Variants in SLC26A7 observed in about 807,000 individuals in gnomAD.
The protein encoded by SLC26A7 is anion exchange transporter.
Under a neutral mutation model 82.5 loss-of-function variants are expected in SLC26A7, and 59 were observed. The ratio of observed to expected loss-of-function variants is 0.72; its 90% CI spans 0.58 to 0.89. The LOEUF (loss-of-function observed/expected upper bound fraction) is 0.89. Among genes scored for constraint, SLC26A7 ranks in the 40% least tolerant of loss-of-function variants. The pLI, the probability that SLC26A7 is intolerant of heterozygous loss-of-function variation, is 0.00. For missense variants in SLC26A7, 820 were observed against 793.0 expected (o/e 1.03, Z -0.41); for synonymous variants, 271 against 274.3 (o/e 0.99, Z 0.12).
At chr8:91,210,181 G>A (rs1809882891) in intron 1 of SLC26A7, among the ~76,000 whole-genome samples, 1 of 152,092 alleles carries the variant, frequency 6.6e-6, no homozygotes, top group Non-Finnish European at 1.5e-5. Flanking sequence ...GGTTTTCATT[G>A]TCTCTATTCA....
chr8:91,397,154 A>G lies in SLC26A7; in HGVS notation c.*2057A>G, dbSNP rs1451955077. ...TTAAGTCCAATAACTTGGGGGTCAA[A>G]TGCTAATGTTTTATTCAATGTAAAG... On this transcript the variant is annotated 3_prime_UTR_variant, in exon 19 of 19. Coordinates refer to ENST00000276609, the MANE Select transcript of SLC26A7 (RefSeq NM_052832.4). 1 of 152,072 alleles carries G rather than the reference A, an allele frequency of 6.6e-6. No individual in the cohort carries two copies. Among genetic ancestry groups the G allele is most frequent in the African/African-American group, 2.4e-5 (1 of 41,436 alleles). The allele number at this position is 152,072 out of a possible 1,614,324, so 9.4% of individuals were successfully genotyped here.
chr8:91,373,390 A>G (rs1455955478), intron 15 of SLC26A7, among the ~76,000 whole-genome samples: 3 of 151,866 alleles, frequency 2.0e-5, no homozygotes, highest in Non-Finnish European at 4.4e-5. Flanking sequence ...ATTTTGATGT[A>G]TGTTCCTTTA....
At chr8:91,262,446 G>T (rs925873068) in intron 2 of SLC26A7, among the ~76,000 whole-genome samples, 4 of 152,002 alleles carry the variant, frequency 2.6e-5, no homozygotes, top group Non-Finnish European at 5.9e-5. Context: ...TCTACCCAGC[G>T]TCTGAGCAGT....
At chr8:91,343,627 A>G (rs1341731456) in intron 9 of SLC26A7, among the ~76,000 whole-genome samples, 161 bp downstream of exon 9, 1 of 152,162 alleles carries the variant, frequency 6.6e-6, no homozygotes, top group Non-Finnish European at 1.5e-5. Flanking sequence ...TCTCATCTCT[A>G]TCCCATAAAT....
chr8:91,385,299 G>T (rs1041827184), intron 15 of SLC26A7, among the ~76,000 whole-genome samples: 1 of 152,128 alleles, frequency 6.6e-6, no homozygotes, highest in Non-Finnish European at 1.5e-5. Flanking sequence ...GATTTTTATT[G>T]CTCTGGTTGA....
Position 91,366,574 on chromosome 8 carries a change from CA to C in SLC26A7, c.1489-2del. 6.2e-7 allele frequency: 1 copy of C among 1,608,970 alleles called. No individual in the cohort carries two copies. The highest frequency in any genetic ancestry group is 1.7e-4 in the Middle Eastern group (1 of 6,028). On this transcript the variant is annotated splice_polypyrimidine_tract_variant and splice_region_variant and intron_variant, in intron 13 of 18. Coordinates refer to ENST00000276609, the MANE Select transcript of SLC26A7 (RefSeq NM_052832.4). ...GAGTTCTGAATCTGTTTTTCTCCTC[CA>C]AAAGGAAACCCTGCAGCAGGTGAAA... is the stretch of plus-strand genomic sequence containing the variant.
rs374699365 is a variant in SLC26A7, at chr8:91,218,922, G to A, written c.-117G>A. 3.9e-4 allele frequency: 611 copies of A among 1,550,376 alleles called. 1 individual carries two copies. Among genetic ancestry groups the A allele is most frequent in the Admixed American group, 1.4e-3 (73 of 50,906 alleles). ...AGATAAGCAAGAATCTGAAGCTGGT[G>A]CCTCTCCAAGTATTAATTTGTTCTT... On this transcript the variant is annotated 5_prime_UTR_variant, in exon 2 of 6. Transcript: ENST00000522862.
chr8:91,329,248 G>C (rs1444319860), intron 5 of SLC26A7, among the ~76,000 whole-genome samples: 1 of 152,136 alleles, frequency 6.6e-6, no homozygotes, highest in Non-Finnish European at 1.5e-5. Context: ...GTGTGTGCAT[G>C]TGTGCATGTC....
chr8:91,354,912 T>A (rs969014524), intron 11 of SLC26A7, among the ~76,000 whole-genome samples: 55 of 152,050 alleles, frequency 3.6e-4, no homozygotes, highest in African/African-American at 8.9e-4. Flanking sequence ...TCTTTTTTTT[T>A]AAAAAAAGGA....
At position 91,330,494 on chromosome 8, in the gene SLC26A7, A is replaced by G. The variant is rs150014516; in HGVS notation, c.643-3801A>G. 3.4e-3 allele frequency among the ~76,000 whole-genome samples: 520 copies of G among 152,306 alleles called. 9 individuals carry two copies. Among genetic ancestry groups the G allele is most frequent in the South Asian group, 0.027 (130 of 4,828 alleles). ...TTTGAGTTGTGGTCAAATTATATTT[A>G]AGATGCTAAATAGAAAGGACAAAGA... On this transcript the variant is annotated intron_variant, in intron 5 of 18. Coordinates refer to ENST00000276609, the MANE Select transcript of SLC26A7 (RefSeq NM_052832.4).
At chr8:91,334,209 T>C in intron 5 of SLC26A7, 86 bp from the exon 6 acceptor site, 2 of 1,264,096 alleles carry the variant, frequency 1.6e-6, no homozygotes, top group Non-Finnish European at 2.2e-6. Flanking sequence ...TTATAAAACA[T>C]CATTGAGTTT....
At chr8:91,336,956 G>A (rs569166487) in intron 6 of SLC26A7, among the ~76,000 whole-genome samples, 14 of 152,184 alleles carry the variant, frequency 9.2e-5, no homozygotes, top group South Asian at 2.1e-4. Flanking sequence ...ATTAATTGGC[G>A]TAGGAATTTT....
chr8:91,304,340 G>T (rs761583891), intron 4 of SLC26A7, among the ~76,000 whole-genome samples: 12 of 152,142 alleles, frequency 7.9e-5, no homozygotes, highest in Non-Finnish European at 1.8e-4. Context: ...TGCTGTTCCT[G>T]TGATAGTGAG....
At chr8:91,356,379 C>T (rs1813868428) in intron 11 of SLC26A7, among the ~76,000 whole-genome samples, 1 of 151,724 alleles carries the variant, frequency 6.6e-6, no homozygotes, top group African/African-American at 2.4e-5. Flanking sequence ...TCCACATCCT[C>T]TCCAGCACCT....
chr8:91,253,244 G>A (rs1810707527), intron 2 of SLC26A7, among the ~76,000 whole-genome samples: 1 of 152,050 alleles, frequency 6.6e-6, no homozygotes, highest in Non-Finnish European at 1.5e-5. Flanking sequence ...CTGAGACTAT[G>A]CCCTCACTTT....
rs192268551 is a variant in SLC26A7 at position 91,398,086 on chromosome 8, G to T, written c.*2989G>T. ...TTAATTATCTTTTTTATAATTCTTTGTACTAACTCAGCATGTAACAACCAA... is the reference window on the plus strand; with the variant it reads ...TTAATTATCTTTTTTATAATTCTTTTTACTAACTCAGCATGTAACAACCAA... On this transcript the variant is annotated 3_prime_UTR_variant, in exon 19 of 19. Transcript: ENST00000276609. The T allele has an allele frequency of 6.6e-6, 1 of 152,086 alleles. No individual in the cohort carries two copies. The highest frequency in any genetic ancestry group is 1.9e-4 in the East Asian group (1 of 5,170). 9.4% of individuals were successfully genotyped at this position (152,086 alleles called of 1,614,324 possible).
In SLC26A7 at chr8:91,366,719, T is replaced by C; in HGVS notation, c.1626+2T>C. ...CAGCCACTTGATGATATCAGCAAGG[T>C]AGGATCAATGGTTTGATTAGAATGT... On this transcript the variant is annotated splice_donor_variant, in intron 14 of 18. Coordinates refer to ENST00000276609, the MANE Select transcript of SLC26A7 (RefSeq NM_052832.4). LOFTEE classifies it high-confidence loss of function. 6.2e-7 allele frequency: 1 copy of C among 1,609,630 alleles called. No individual in the cohort carries two copies. Among genetic ancestry groups the C allele is most frequent in the South Asian group, 1.1e-5 (1 of 90,350 alleles).
Position 91,268,333 on chromosome 8 carries a change from AT to A in SLC26A7, c.193+18492del, listed in dbSNP as rs1811169946. Among the ~76,000 whole-genome samples the A allele has an allele frequency of 2.0e-5, 3 of 151,958 alleles. No homozygotes were observed. In the South Asian group the frequency reaches 6.2e-4, roughly 32 times the overall value. On this transcript the variant is annotated intron_variant, in intron 2 of 18. Coordinates refer to ENST00000276609, the MANE Select transcript of SLC26A7 (RefSeq NM_052832.4). ...GTGCTCCAGTATTGGGTGTATATAT[AT>A]TTGAAAAGGTTATAGCCTCTTGGTA...
chr8:91,253,019 C>T (rs989571101), intron 2 of SLC26A7, among the ~76,000 whole-genome samples: 1 of 151,952 alleles, frequency 6.6e-6, no homozygotes, highest in African/African-American at 2.4e-5. Flanking sequence ...AAATGTACTT[C>T]AAATGCTGTG....
Sources: allele counts gnomAD v4.1 joint callset (sites outside exome capture counted in the v4.1 genomes callset), GRCh38; gene constraint gnomAD v4.1.1; transcripts MANE v1.5; gene names NCBI Gene and HGNC (gene_info 2026-07-23, HGNC 2026-07-21).